The following RASSF3 variants were observed in gnomAD, a reference collection of about 807,000 sequenced individuals.
The protein encoded by RASSF3 is Ras association domain family member 3, also known as ras association domain-containing protein 3.
A neutral mutation model predicts 19.9 loss-of-function variants in RASSF3; 19 were observed. That is an observed-to-expected ratio of 0.96 (90% CI 0.67 to 1.40). The LOEUF (loss-of-function observed/expected upper bound fraction) is 1.40, where lower values mean the gene tolerates loss of function less well. Among genes scored for constraint, RASSF3 ranks in the 40% most tolerant of loss-of-function variants. The probability of loss-of-function intolerance (pLI) is 0.00; values close to 1 mark genes in which losing one functional copy is unlikely to be tolerated. For missense variants in RASSF3, 306 were observed against 289.8 expected, an observed-to-expected ratio of 1.06 and a Z score of -0.41; for synonymous variants, 110 against 104.2, an observed-to-expected ratio of 1.06 and a Z score of -0.34.
intron 2 of RASSF3, among the ~76,000 whole-genome samples, chr12:64,579,923 T>A (rs1282856824): frequency 6.6e-6 from 1 of 150,852 alleles, no homozygotes; most frequent in Non-Finnish European, 1.5e-5. Context: ...CAAGAGATTC[T>A]CCTGCCTCAG....
rs144259141 is a variant in RASSF3, at chr12:64,688,407, C to T, written c.411C>T (p.Ser137=). ...TCAAAAAGTTTCTCGTGACTGAGAG[C>T]CCTGCCAAGTTTGCACTTTATAAGC... The part of the protein sequence containing the change: ...ALLKKFLVTE[S]PAKFALYKRC... Residue 137 remains serine (S), a synonymous_variant, in exon 3 of 5, where the codon AGC becomes AGT. Transcript: ENST00000542104. 2.2e-5 allele frequency: 35 copies of T among 1,614,024 alleles called. 1 individual carries two copies. The African/African-American group carries it at 3.3e-4, about 15-fold the overall frequency.
intron 1 of RASSF3, among the ~76,000 whole-genome samples, chr12:64,670,297 T>C (rs550064328): frequency 1.1e-4 from 16 of 152,230 alleles, no homozygotes; most frequent in Admixed American, 2.0e-4. Context: ...CTGAATTGCA[T>C]TGTGTTTATT....
At chr12:64,574,390 C>G (rs919213187) in intron 2 of RASSF3, among the ~76,000 whole-genome samples, 1 of 151,070 alleles carries the variant, frequency 6.6e-6, no homozygotes, top group African/African-American at 2.4e-5. Context: ...GAAATGGGAG[C>G]AATTGTTCTT....
At chr12:64,684,574 A>G (rs768625903) in intron 1 of RASSF3, among the ~76,000 whole-genome samples, 19 of 151,580 alleles carry the variant, frequency 1.3e-4, no homozygotes, top group Non-Finnish European at 2.8e-4. Flanking sequence ...TGGGTTTACA[A>G]GCGTGCGCCA....
intron 1 of RASSF3, among the ~76,000 whole-genome samples, chr12:64,651,928 T>G (rs1871970644): frequency 6.6e-6 from 1 of 152,234 alleles, no homozygotes; most frequent in African/African-American, 2.4e-5. Context: ...CCCAAAGTGC[T>G]GGGATAACAG....
intron 2 of RASSF3, among the ~76,000 whole-genome samples, chr12:64,586,388 G>T (rs1156549622): frequency 3.4e-5 from 5 of 148,162 alleles, no homozygotes; most frequent in Non-Finnish European, 7.4e-5. Context: ...TACTCAGGAG[G>T]TTGACACACG....
chr12:64,557,079 C>T (rs943660536), intron 2 of RASSF3, among the ~76,000 whole-genome samples: 6 of 152,032 alleles, frequency 3.9e-5, no homozygotes, highest in Non-Finnish European at 7.4e-5. Flanking sequence ...TCAGGTGATC[C>T]GCCCACCTCG....
chr12:64,583,343 C>G (rs1161258254), intron 2 of RASSF3, among the ~76,000 whole-genome samples: 2 of 152,164 alleles, frequency 1.3e-5, no homozygotes, highest in African/African-American at 4.8e-5. Flanking sequence ...CATACAAAAG[C>G]AAAGTCAGTG....
intron 2 of RASSF3, among the ~76,000 whole-genome samples, chr12:64,557,508 A>G (rs192300045): frequency 2.0e-4 from 31 of 152,224 alleles, no homozygotes; most frequent in Non-Finnish European, 3.8e-4. Flanking sequence ...CTTGCAATTC[A>G]GTGTTCCCTG....
upstream of RASSF3, among the ~76,000 whole-genome samples, chr12:64,608,059 A>G (rs983625565): frequency 2.0e-5 from 3 of 152,032 alleles, no homozygotes; most frequent in African/African-American, 7.2e-5. Context: ...GTAAACCACC[A>G]TGCCTGGCCT....
chr12:64,558,956 C>T (rs1039384955), intron 2 of RASSF3, among the ~76,000 whole-genome samples: 2 of 152,152 alleles, frequency 1.3e-5, no homozygotes, highest in Admixed American at 6.5e-5. Flanking sequence ...CTAGGGACAC[C>T]GTGCTCTACT....
chr12:64,559,426 TTG>T (rs1365238938), intron 2 of RASSF3, among the ~76,000 whole-genome samples: 1 of 150,934 alleles, frequency 6.6e-6, no homozygotes, highest in Admixed American at 6.6e-5. Context: ...GTTTTTGTTG[TTG>T]TTGTTGTTGT....
intron 1 of RASSF3, among the ~76,000 whole-genome samples, chr12:64,626,506 GA>G (rs891394836): frequency 5.1e-5 from 7 of 136,126 alleles, no homozygotes; most frequent in African/African-American, 1.4e-4. Context: ...AAAAAAAAAA[GA>G]AAAAAAAAGA....
intron 2 of RASSF3, among the ~76,000 whole-genome samples, chr12:64,587,354 G>T (rs368815143): frequency 4.3e-4 from 66 of 152,102 alleles, no homozygotes; most frequent in African/African-American, 1.5e-3. Flanking sequence ...ACTGTGCCCG[G>T]CCTCCTCTCC....
At chr12:64,590,919 CA>C (rs1176641897) in intron 2 of RASSF3, among the ~76,000 whole-genome samples, 1 of 152,200 alleles carries the variant, frequency 6.6e-6, no homozygotes, top group African/African-American at 2.4e-5. Context: ...AACCAAGACA[CA>C]GCAAACTATT....
At chr12:64,520,551 CACACATAT>C (rs1453511287) in intron 1 of RASSF3, among the ~76,000 whole-genome samples, 221 of 120,144 alleles carry the variant, frequency 1.8e-3, no homozygotes, top group Middle Eastern at 8.4e-3. Flanking sequence ...TACACACATA[CACACATAT>C]ATATATATAT....
intron 1 of RASSF3, among the ~76,000 whole-genome samples, chr12:64,614,420 AC>A (rs1870483538): frequency 6.6e-6 from 1 of 151,520 alleles, no homozygotes; most frequent in African/African-American, 2.4e-5. Context: ...GAGCCACCGC[AC>A]CTGGCCCCTG....
At chr12:64,676,040 G>A (rs1205937696) in intron 1 of RASSF3, among the ~76,000 whole-genome samples, 1 of 152,000 alleles carries the variant, frequency 6.6e-6, no homozygotes, top group African/African-American at 2.4e-5. Context: ...GTGGCACCAT[G>A]GCAGATTATC....
chr12:64,686,553 G>A (rs981406684), intron 2 of RASSF3, among the ~76,000 whole-genome samples: 1 of 152,216 alleles, frequency 6.6e-6, no homozygotes, highest in Admixed American at 6.5e-5. Context: ...AGAGCTTGCA[G>A]TGAGGCAAGA....
Sources: allele counts gnomAD v4.1 joint callset (sites outside exome capture counted in the v4.1 genomes callset), GRCh38; gene constraint gnomAD v4.1.1; transcripts MANE v1.5; gene names NCBI Gene and HGNC (gene_info 2026-07-23, HGNC 2026-07-21).